COL23A1: variants seen among roughly 807,000 people sequenced by gnomAD.
The protein encoded by COL23A1 is collagen type XXIII alpha 1 chain.
In COL23A1, 97 loss-of-function variants were observed where a neutral mutation model predicts 99.3. That is an observed-to-expected ratio of 0.98 (90% CI 0.83 to 1.16). The LOEUF (loss-of-function observed/expected upper bound fraction) is 1.16. COL23A1 is among the 50% of genes most tolerant of loss of function. The pLI, the probability that COL23A1 is intolerant of heterozygous loss-of-function variation, is 0.00. For synonymous variants in COL23A1, 320 were observed against 308.2 expected (o/e 1.04, Z -0.40); for missense variants, 762 against 757.4 (o/e 1.01, Z -0.07).
chr5:178,582,224 A>G (rs895821587), intron 1 of COL23A1, among the ~76,000 whole-genome samples: 2 of 151,034 alleles, frequency 1.3e-5, no homozygotes, highest in African/African-American at 4.9e-5. Flanking sequence ...AAAAAAAAAA[A>G]AAAAAAAAGG....
intron 16 of COL23A1, among the ~76,000 whole-genome samples, chr5:178,253,509 G>A (rs1765143909): frequency 6.6e-6 from 1 of 151,642 alleles, no homozygotes; most frequent in African/African-American, 2.4e-5. Context: ...TTGAGATGGA[G>A]TCTCCCTCTG....
chr5:178,308,292 C>T lies in COL23A1; in HGVS notation c.362-1373G>A, dbSNP rs565524353. Among the ~76,000 whole-genome samples, 30 of 152,154 alleles carry T rather than the reference C, an allele frequency of 2.0e-4. 1 individual carries two copies. In the South Asian group the frequency reaches 4.2e-3, roughly 21 times the overall value. ...AAGATTTGCAGGCCCAGGGGTGAGG[C>T]GAGAATGAATTTCTTGCCAGCCTCA... On this transcript the variant is annotated intron_variant, in intron 2 of 28. Transcript: ENST00000390654. The surrounding 1 kb of genome is among the most constrained non-coding windows in gnomAD (Gnocchi z 5.1).
chr5:178,451,549 C>T (rs906274871), intron 2 of COL23A1, among the ~76,000 whole-genome samples: 6 of 149,026 alleles, frequency 4.0e-5, no homozygotes, highest in African/African-American at 1.5e-4. Flanking sequence ...CTCAGCTACT[C>T]GGGGGCCTGA....
In COL23A1 at chr5:178,263,342, T is replaced by C. The variant is rs766072684; in HGVS notation, c.523-18A>G. 6.7e-7 allele frequency: 1 copy of C among 1,497,312 alleles called. No homozygotes were observed. Among genetic ancestry groups the C allele is most frequent in the South Asian group, 1.2e-5 (1 of 82,608 alleles). The allele number at this position is 1,497,312 out of a possible 1,614,324, so 92.8% of individuals were successfully genotyped here. The stretch of plus-strand genomic sequence containing the variant: ...TGGTCTCCCTGAAAGAGATGGGGCT[T>C]GGCATGACTCTGAGGGGGAGGGGGT... On this transcript the variant is annotated intron_variant, in intron 8 of 28. Coordinates refer to ENST00000390654, the MANE Select transcript of COL23A1 (RefSeq NM_173465.4).
intron 2 of COL23A1, among the ~76,000 whole-genome samples, chr5:178,351,746 C>T (rs1356592463): frequency 6.7e-6 from 1 of 149,998 alleles, no homozygotes; most frequent in African/African-American, 2.4e-5. Flanking sequence ...ACTAATTGTG[C>T]CCCCCCAGTT....
At chr5:178,299,519 T>A (rs557962286) in intron 3 of COL23A1, among the ~76,000 whole-genome samples, 20 of 152,282 alleles carry the variant, frequency 1.3e-4, no homozygotes, top group African/African-American at 4.1e-4. Context: ...CTGATTTTGG[T>A]AATTTGAGAC....
intron 2 of COL23A1, among the ~76,000 whole-genome samples, chr5:178,560,176 A>G (rs756164278): frequency 7.9e-5 from 12 of 152,230 alleles, no homozygotes; most frequent in Non-Finnish European, 1.6e-4. Context: ...GCAAAACCAA[A>G]GAGAGTCTAT....
At chr5:178,297,513 G>A (rs746613194) in intron 3 of COL23A1, among the ~76,000 whole-genome samples, 9 of 152,092 alleles carry the variant, frequency 5.9e-5, no homozygotes, top group African/African-American at 9.7e-5. Flanking sequence ...GTAAGACTCC[G>A]TCTCAAAAAA....
intron 2 of COL23A1, among the ~76,000 whole-genome samples, chr5:178,341,989 C>T (rs966041280): frequency 2.6e-5 from 4 of 152,174 alleles, no homozygotes; most frequent in Admixed American, 1.3e-4. Context: ...CGTAACACAC[C>T]GACCTTCGGA....
chr5:178,245,815 C>A, intron 25 of COL23A1, 127 bp downstream of exon 25: 1 of 1,070,086 alleles, frequency 9.3e-7, no homozygotes, highest in Non-Finnish European at 1.4e-6. Flanking sequence ...CAGGGGGAAC[C>A]AGTCAGTTGC....
At chr5:178,267,117 G>A (rs1035195398) in intron 8 of COL23A1, among the ~76,000 whole-genome samples, 190 bp downstream of exon 8, 1 of 152,204 alleles carries the variant, frequency 6.6e-6, no homozygotes, top group African/African-American at 2.4e-5. Context: ...CTCCACCTGC[G>A]CAAGAGGGGC....
intron 2 of COL23A1, among the ~76,000 whole-genome samples, chr5:178,466,064 C>A (rs1459461816): frequency 6.6e-6 from 1 of 152,200 alleles, no homozygotes; most frequent in Non-Finnish European, 1.5e-5. Flanking sequence ...TGGTGAACGA[C>A]CCCCATGAAT....
intron 2 of COL23A1, among the ~76,000 whole-genome samples, chr5:178,353,340 A>G (rs1761437551): frequency 6.6e-6 from 1 of 152,234 alleles, no homozygotes. Context: ...GCCATAAAAG[A>G]CTGATAAATG....
intron 2 of COL23A1, among the ~76,000 whole-genome samples, chr5:178,402,486 A>AT (rs1764503425): frequency 6.6e-6 from 1 of 152,242 alleles, no homozygotes; most frequent in Non-Finnish European, 1.5e-5. Context: ...AAGATCTAGT[A>AT]TTTAATAGAT....
chr5:178,537,143 T>A (rs1437947516), intron 2 of COL23A1, among the ~76,000 whole-genome samples: 1 of 151,664 alleles, frequency 6.6e-6, no homozygotes, highest in Non-Finnish European at 1.5e-5. Flanking sequence ...AGGGAGGGGG[T>A]CCCACATACA....
intron 2 of COL23A1, among the ~76,000 whole-genome samples, chr5:178,339,669 G>C (rs1760543942): frequency 6.6e-6 from 1 of 152,238 alleles, no homozygotes; most frequent in Admixed American, 6.5e-5. Flanking sequence ...GTAAACATGA[G>C]TGGGGGGACG....
At chr5:178,587,246 G>A (rs899736041) in intron 1 of COL23A1, among the ~76,000 whole-genome samples, 13 of 152,270 alleles carry the variant, frequency 8.5e-5, no homozygotes, top group South Asian at 4.2e-4. Context: ...ATCGTTCATG[G>A]CTCTTACTCA....
Position 178,306,080 on chromosome 5 carries a change from G to A in COL23A1, c.406+795C>T, listed in dbSNP as rs961434080. Among the ~76,000 whole-genome samples the A allele has an allele frequency of 1.3e-5, 2 of 152,058 alleles. No homozygotes were observed. Among genetic ancestry groups the A allele is most frequent in the Admixed American group, 1.3e-4 (2 of 15,274 alleles). ...GGAGACTGTGGGAGAGAGGAGAGGAGACGACCAAGGGAGATTCATTCACGG... is the reference window on the plus strand; with the variant it reads ...GGAGACTGTGGGAGAGAGGAGAGGAAACGACCAAGGGAGATTCATTCACGG... On this transcript the variant is annotated intron_variant, in intron 3 of 28. Transcript: ENST00000390654. This position sits in a 1 kb window ranked among gnomAD's most constrained non-coding sequence, Gnocchi z 4.1.
At chr5:178,431,024 G>C (rs994125068) in intron 2 of COL23A1, among the ~76,000 whole-genome samples, 1 of 152,134 alleles carries the variant, frequency 6.6e-6, no homozygotes, top group African/African-American at 2.4e-5. Flanking sequence ...TAGGAAGGAG[G>C]AGCAGAGTTC....
Sources: allele counts gnomAD v4.1 joint callset (sites outside exome capture counted in the v4.1 genomes callset), GRCh38; gene constraint gnomAD v4.1.1; non-coding constraint Gnocchi (gnomAD v3.1); transcripts MANE v1.5; gene names NCBI Gene and HGNC (gene_info 2026-07-23, HGNC 2026-07-21).